Variants in CTIF observed in about 807,000 individuals in gnomAD.
CTIF encodes CBP80/20-dependent translation initiation factor.
In CTIF, 21 loss-of-function variants were observed where a neutral mutation model predicts 66.0. The observed-to-expected ratio is 0.32, with a 90% CI of 0.23 to 0.46. The LOEUF is 0.46. CTIF is among the 20% of genes least tolerant of loss of function. The pLI is 1.00. For synonymous variants in CTIF, 345 were observed against 326.4 expected, an observed-to-expected ratio of 1.06 and a Z score of -0.62; for missense variants, 739 against 812.7, an observed-to-expected ratio of 0.91 and a Z score of 1.10.
At chr18:48,604,031 A>G (rs780249454) in intron 1 of CTIF, among the ~76,000 whole-genome samples, 7 of 149,790 alleles carry the variant, frequency 4.7e-5, no homozygotes, top group Admixed American at 6.7e-5. Context: ...GTATTTTAGT[A>G]GAGATGGGGT....
intron 1 of CTIF, among the ~76,000 whole-genome samples, chr18:48,578,292 G>C (rs957918506): frequency 6.6e-6 from 1 of 152,162 alleles, no homozygotes; most frequent in Non-Finnish European, 1.5e-5. Context: ...GAATGTTCAA[G>C]TACAGGTCTT....
At chr18:48,722,545 CTGCCCAGGACCGCAAGA>C (rs2092348558) in intron 7 of CTIF, among the ~76,000 whole-genome samples, 1 of 152,102 alleles carries the variant, frequency 6.6e-6, no homozygotes, top group Non-Finnish European at 1.5e-5. Flanking sequence ...AGATCGTATG[CTGCCCAGGACCGCAAGA>C]TTCACAGGTG....
intron 1 of CTIF, among the ~76,000 whole-genome samples, chr18:48,588,140 G>C (rs550338431): frequency 1.3e-5 from 2 of 152,246 alleles, no homozygotes; most frequent in African/African-American, 4.8e-5. Flanking sequence ...GAATTACTGG[G>C]ACCCTCCTAA....
chr18:48,614,255 G>A (rs934186575), intron 1 of CTIF, among the ~76,000 whole-genome samples: 7 of 152,152 alleles, frequency 4.6e-5, no homozygotes, highest in Non-Finnish European at 1.0e-4. Context: ...CAAGCCTGGA[G>A]GAGACCATCC....
chr18:48,590,278 C>T (rs1000311535), intron 1 of CTIF, among the ~76,000 whole-genome samples: 10 of 152,272 alleles, frequency 6.6e-5, no homozygotes, highest in East Asian at 3.9e-4. Flanking sequence ...AACACTGGCC[C>T]GGAGCCAGAG....
intron 1 of CTIF, among the ~76,000 whole-genome samples, chr18:48,610,131 C>T (rs2090279103): frequency 6.6e-6 from 1 of 152,138 alleles, no homozygotes; most frequent in Admixed American, 6.5e-5. Context: ...TGGAGCAGGG[C>T]CCTCAAGGAT....
At chr18:48,719,584 G>A (rs2092313574) in intron 7 of CTIF, among the ~76,000 whole-genome samples, 1 of 152,150 alleles carries the variant, frequency 6.6e-6, no homozygotes, top group African/African-American at 2.4e-5. Context: ...CAATACTCAT[G>A]GTGTTTTTGC....
intron 10 of CTIF, among the ~76,000 whole-genome samples, chr18:48,837,538 C>A (rs1364747759): frequency 2.0e-5 from 3 of 152,102 alleles, no homozygotes; most frequent in Non-Finnish European, 4.4e-5. Context: ...TGGGTGAGCC[C>A]AGCCCAAACT....
intron 3 of CTIF, among the ~76,000 whole-genome samples, chr18:48,647,389 C>A (rs533403883): frequency 6.6e-6 from 1 of 152,166 alleles, no homozygotes; most frequent in South Asian, 2.1e-4. Flanking sequence ...AATGTTGATA[C>A]CCGGAGATGC....
intron 6 of CTIF, among the ~76,000 whole-genome samples, chr18:48,691,689 A>C (rs1598879831): frequency 6.6e-6 from 1 of 152,024 alleles, no homozygotes; most frequent in Non-Finnish European, 1.5e-5. Context: ...GAAATTGTCC[A>C]AGCATCTTTG....
At chr18:48,556,963 G>A (rs566854936) in intron 1 of CTIF, among the ~76,000 whole-genome samples, 1 of 152,330 alleles carries the variant, frequency 6.6e-6, no homozygotes, top group Admixed American at 6.5e-5. Context: ...TAAGGCTGCT[G>A]TTAGAATGAG....
intron 7 of CTIF, among the ~76,000 whole-genome samples, chr18:48,736,584 G>A (rs1428043933): frequency 6.6e-6 from 1 of 152,214 alleles, no homozygotes; most frequent in Non-Finnish European, 1.5e-5. Context: ...TCTTGCCTTT[G>A]CATGTGTGAG....
intron 7 of CTIF, among the ~76,000 whole-genome samples, chr18:48,735,324 A>G (rs962616449): frequency 6.6e-6 from 1 of 152,208 alleles, no homozygotes; most frequent in Non-Finnish European, 1.5e-5. Flanking sequence ...CTGTTAGGAA[A>G]GAGGCCAAGC....
intron 3 of CTIF, among the ~76,000 whole-genome samples, chr18:48,659,108 A>C (rs569405523): frequency 5.3e-5 from 8 of 152,000 alleles, no homozygotes; most frequent in African/African-American, 1.9e-4. Context: ...CTGTTGATGA[A>C]AGTTTGCCTT....
chr18:48,769,161 C>G (rs1263808142), intron 9 of CTIF, among the ~76,000 whole-genome samples: 3 of 152,196 alleles, frequency 2.0e-5, no homozygotes, highest in African/African-American at 7.2e-5. Flanking sequence ...TCTGCACACC[C>G]ACCGCTGAGC....
chr18:48,785,882 C>G (rs1032163056), intron 9 of CTIF, among the ~76,000 whole-genome samples: 1 of 152,162 alleles, frequency 6.6e-6, no homozygotes, highest in African/African-American at 2.4e-5. Flanking sequence ...TAAAGCTTCC[C>G]GAGTGAGCCC....
intron 1 of CTIF, among the ~76,000 whole-genome samples, chr18:48,555,499 G>C (rs1041560305): frequency 6.6e-6 from 1 of 152,246 alleles, no homozygotes; most frequent in African/African-American, 2.4e-5. Flanking sequence ...GGGGATTGGG[G>C]TGGATGGGCT....
intron 1 of CTIF, among the ~76,000 whole-genome samples, chr18:48,594,406 A>G (rs749498654): frequency 1.4e-5 from 2 of 144,374 alleles, no homozygotes; most frequent in Non-Finnish European, 3.0e-5. Flanking sequence ...TTGTTGAAGC[A>G]TGGATCTGTG....
At chr18:48,684,548 G>T (rs1316670505) in intron 6 of CTIF, among the ~76,000 whole-genome samples, 1 of 151,982 alleles carries the variant, frequency 6.6e-6, no homozygotes, top group Non-Finnish European at 1.5e-5. Flanking sequence ...TGAGAGAGAA[G>T]AATTTTGTTC....
Sources: gnomAD v4.1 joint callset for allele counts (sites outside exome capture counted in the v4.1 genomes callset) on GRCh38, gnomAD v4.1.1 for gene constraint, MANE v1.5 for transcripts, NCBI Gene and HGNC (gene_info 2026-07-23, HGNC 2026-07-21) for gene names.